The following RFTN1 variants were observed in gnomAD, a reference collection of about 807,000 sequenced individuals.
The protein encoded by RFTN1 is raftlin.
Under a neutral mutation model 46.5 loss-of-function variants are expected in RFTN1, and 26 were observed. The observed-to-expected ratio is 0.56, with a 90% CI of 0.41 to 0.78. The LOEUF is 0.78. RFTN1 is among the 30% of genes least tolerant of loss of function. The pLI is 0.00. For missense variants in RFTN1, 693 were observed against 718.7 expected (o/e 0.96, Z 0.41); for synonymous variants, 261 against 284.2 (o/e 0.92, Z 0.82).
chr3:16,496,047 T>C (rs2124997042), intron 1 of RFTN1, among the ~76,000 whole-genome samples: 1 of 152,342 alleles, frequency 6.6e-6, no homozygotes, highest in South Asian at 2.1e-4. Flanking sequence ...ATATTAAGAT[T>C]TAAAACTTCT....
In RFTN1 at chr3:16,499,783, G is replaced by A. The variant is rs991453398; in HGVS notation, c.-8-5906C>T. Among the ~76,000 whole-genome samples the A allele has an allele frequency of 6.6e-6, 1 of 152,182 alleles. No homozygotes were observed. On this transcript the variant is annotated intron_variant, in intron 1 of 9. Coordinates refer to ENST00000334133, the MANE Select transcript of RFTN1 (RefSeq NM_015150.2). The surrounding 1 kb of genome is among the most constrained non-coding windows in gnomAD (Gnocchi z 4.9). Reference sequence around the variant, plus strand: ...GTTACAGCCATTCACCCTTTGAAGGGCATTTGGGTTGTTTCTGGCACTGGC... The same window carrying A: ...GTTACAGCCATTCACCCTTTGAAGGACATTTGGGTTGTTTCTGGCACTGGC...
intron 4 of RFTN1, among the ~76,000 whole-genome samples, chr3:16,388,627 G>A (rs963165016): frequency 2.6e-5 from 4 of 152,192 alleles, no homozygotes; most frequent in African/African-American, 4.8e-5. Context: ...TGTGCAGTTC[G>A]TGGGTTTTCA....
At chr3:16,328,592 T>G (rs1200557302) in intron 7 of RFTN1, among the ~76,000 whole-genome samples, 3 of 152,232 alleles carry the variant, frequency 2.0e-5, no homozygotes, top group Middle Eastern at 3.2e-3. Flanking sequence ...AAATGGGTAC[T>G]GGTCTATGTC....
At chr3:16,397,515 G>A (rs2074497023) in intron 4 of RFTN1, among the ~76,000 whole-genome samples, 1 of 152,136 alleles carries the variant, frequency 6.6e-6, no homozygotes, top group Non-Finnish European at 1.5e-5. Context: ...TGGTAACTAT[G>A]CAAGATATAT....
rs528360212 is a variant in RFTN1, at chr3:16,322,385, G to T, written c.1332+991C>A. ...GCTCCAATCTGTTCATTTACTTGAT[G>T]CTCCTTCCCAGGGCTCTGTGTCCAA... is the stretch of plus-strand genomic sequence containing the variant. On this transcript the variant is annotated intron_variant, in intron 9 of 9. Coordinates refer to ENST00000334133, the MANE Select transcript of RFTN1 (RefSeq NM_015150.2). This position sits in a 1 kb window ranked among gnomAD's most constrained non-coding sequence, Gnocchi z 6.2. Among the ~76,000 whole-genome samples the T allele has an allele frequency of 4.2e-4, 64 of 152,332 alleles. No homozygotes were observed. The highest frequency in any genetic ancestry group is 7.9e-4 in the Non-Finnish European group (54 of 68,020).
In RFTN1 at chr3:16,374,509, G is replaced by A. The variant is rs965728989; in HGVS notation, c.826+3209C>T. Among the ~76,000 whole-genome samples the A allele has an allele frequency of 2.6e-5, 4 of 152,202 alleles. No individual in the cohort carries two copies. The highest frequency in any genetic ancestry group is 9.6e-5 in the African/African-American group (4 of 41,456). ...GGTTTTGGCCATTCACAATGAGCTG[G>A]CAGCCAGGGAGGGCTACTGAATAAA... On this transcript the variant is annotated intron_variant, in intron 5 of 9. Coordinates refer to ENST00000334133, the MANE Select transcript of RFTN1 (RefSeq NM_015150.2). The surrounding 1 kb of genome is among the most constrained non-coding windows in gnomAD (Gnocchi z 5.4).
Position 16,459,658 on chromosome 3 carries a change from A to C in RFTN1, c.146-25621T>G, listed in dbSNP as rs2075974617. ...AAATAAAACTCAACTCTACATTCAAAATTTTCTTAAAATTTTTCTTAAAAA... is the reference window on the plus strand; with the variant it reads ...AAATAAAACTCAACTCTACATTCAACATTTTCTTAAAATTTTTCTTAAAAA... On this transcript the variant is annotated intron_variant, in intron 2 of 9. Coordinates refer to ENST00000334133, the MANE Select transcript of RFTN1 (RefSeq NM_015150.2). The surrounding 1 kb of genome is among the most constrained non-coding windows in gnomAD (Gnocchi z 4.2). Among the ~76,000 whole-genome samples the C allele has an allele frequency of 1.3e-5, 2 of 152,092 alleles. No individual in the cohort carries two copies. Among genetic ancestry groups the C allele is most frequent in the South Asian group, 2.1e-4 (1 of 4,826 alleles).
At chr3:16,436,123 A>T (rs1438145744) in intron 2 of RFTN1, among the ~76,000 whole-genome samples, 1 of 151,518 alleles carries the variant, frequency 6.6e-6, no homozygotes, top group South Asian at 2.1e-4. Flanking sequence ...TTATCTTATT[A>T]TGTAATTTGT....
chr3:16,345,788 C>CTGTGTGTGTGTGTGTGTGTGTG lies in RFTN1; in HGVS notation c.1146+12122_1146+12143dup, dbSNP rs370820242. Among the ~76,000 whole-genome samples the CTGTGTGTGTGTGTGTGTGTGTG allele has an allele frequency of 1.2e-3, 158 of 127,222 alleles. 2 individuals are homozygous for CTGTGTGTGTGTGTGTGTGTGTG. Among genetic ancestry groups the CTGTGTGTGTGTGTGTGTGTGTG allele is most frequent in the East Asian group, 2.2e-3 (10 of 4,528 alleles). 83.5% of individuals were successfully genotyped at this position (127,222 alleles called of 152,430 possible). On this transcript the variant is annotated intron_variant, in intron 7 of 9. Transcript: ENST00000334133. This position sits in a 1 kb window ranked among gnomAD's most constrained non-coding sequence, Gnocchi z 5.2. ...TGAGCCAAAACCTTATAATAAATCTCTGTGTGTGTGTGTGTGTGTGTGTGT... is the reference window on the plus strand; with the variant it reads ...TGAGCCAAAACCTTATAATAAATCTCTGTGTGTGTGTGTGTGTGTGTGTGTGTGTGTGTGTGTGTGTGTGTGT...
intron 4 of RFTN1, among the ~76,000 whole-genome samples, chr3:16,398,923 G>T (rs1034407151): frequency 1.3e-5 from 2 of 152,156 alleles, no homozygotes; most frequent in Non-Finnish European, 2.9e-5. Flanking sequence ...TTACTTCCTT[G>T]GATGTGGGGT....
chr3:16,465,672 G>A lies in RFTN1; in HGVS notation c.145+28053C>T, dbSNP rs1315819072. Among the ~76,000 whole-genome samples, 3 of 152,054 alleles carry A rather than the reference G, an allele frequency of 2.0e-5. No homozygotes were observed. The highest frequency in any genetic ancestry group is 2.9e-5 in the Non-Finnish European group (2 of 68,006). Reference sequence around the variant, plus strand: ...GATGCTAAAAATTTCAGAATTATAAGATCACCAAAATTATCACACCCACCA... The same window carrying A: ...GATGCTAAAAATTTCAGAATTATAAAATCACCAAAATTATCACACCCACCA... On this transcript the variant is annotated intron_variant, in intron 2 of 9. Coordinates refer to ENST00000334133, the MANE Select transcript of RFTN1 (RefSeq NM_015150.2). This position sits in a 1 kb window ranked among gnomAD's most constrained non-coding sequence, Gnocchi z 5.1.
chr3:16,462,725 T>G (rs574581193), intron 2 of RFTN1, among the ~76,000 whole-genome samples: 1 of 152,382 alleles, frequency 6.6e-6, no homozygotes, highest in South Asian at 2.1e-4. Flanking sequence ...ACGTATCTAT[T>G]GCTTTAAACC....
intron 1 of RFTN1, among the ~76,000 whole-genome samples, chr3:16,502,095 T>C (rs1211134149): frequency 6.6e-6 from 1 of 152,124 alleles, no homozygotes; most frequent in Non-Finnish European, 1.5e-5. Context: ...CATGCATTAT[T>C]TTCATGGTTG....
chr3:16,438,665 CCA>C (rs1442027351), intron 2 of RFTN1, among the ~76,000 whole-genome samples: 3 of 151,020 alleles, frequency 2.0e-5, no homozygotes, highest in Non-Finnish European at 4.4e-5. Context: ...CCTGCTAACC[CCA>C]GTCATGTGAA....
intron 4 of RFTN1, among the ~76,000 whole-genome samples, chr3:16,405,165 G>C (rs1180552111): frequency 6.6e-6 from 1 of 152,078 alleles, no homozygotes; most frequent in Admixed American, 6.6e-5. Context: ...AAATTCCAGA[G>C]GCCCCCACGG....
chr3:16,371,735 C>G (rs1285519690), intron 5 of RFTN1, among the ~76,000 whole-genome samples: 2 of 152,194 alleles, frequency 1.3e-5, no homozygotes, highest in Admixed American at 1.3e-4. Context: ...GTATTTTAAA[C>G]ACCAATTCTA....
chr3:16,511,015 T>C (rs2076892222), intron 1 of RFTN1, among the ~76,000 whole-genome samples: 1 of 152,284 alleles, frequency 6.6e-6, no homozygotes, highest in South Asian at 2.1e-4. Flanking sequence ...CTCAAAAATA[T>C]GGTGAGCTTT....
rs2072092957 is a variant in RFTN1, at chr3:16,351,390, T to C, written c.1146+6542A>G. Among the ~76,000 whole-genome samples, 1 of 152,164 alleles carries C rather than the reference T, an allele frequency of 6.6e-6. No individual in the cohort carries two copies. Among genetic ancestry groups the C allele is most frequent in the African/African-American group, 2.4e-5 (1 of 41,430 alleles). ...GATATATCCATGATCAGAAATGTCTTGACAGGCTGGGGAAATGGGCAGAAG... is the reference window on the plus strand; with the variant it reads ...GATATATCCATGATCAGAAATGTCTCGACAGGCTGGGGAAATGGGCAGAAG... On this transcript the variant is annotated intron_variant, in intron 7 of 9. Transcript: ENST00000334133. This position sits in a 1 kb window ranked among gnomAD's most constrained non-coding sequence, Gnocchi z 5.4.
At position 16,320,493 on chromosome 3, in the gene RFTN1, C is replaced by G. The variant is rs752796646; in HGVS notation, c.1332+2883G>C. On this transcript the variant is annotated intron_variant, in intron 9 of 9. Transcript: ENST00000334133. This position sits in a 1 kb window ranked among gnomAD's most constrained non-coding sequence, Gnocchi z 4.5. ...CACCAACTAAAATCTGGGTACACAA[C>G]ACAGGAAAAAGGTCTTTGCTCTTGT... Among the ~76,000 whole-genome samples, 2 of 152,162 alleles carry G rather than the reference C, an allele frequency of 1.3e-5. No individual in the cohort carries two copies. The highest frequency in any genetic ancestry group is 1.5e-5 in the Non-Finnish European group (1 of 68,020).
Sources: allele counts gnomAD v4.1 joint callset (sites outside exome capture counted in the v4.1 genomes callset), GRCh38; gene constraint gnomAD v4.1.1; non-coding constraint Gnocchi (gnomAD v3.1); transcripts MANE v1.5; gene names NCBI Gene and HGNC (gene_info 2026-07-23, HGNC 2026-07-21).